PEAK1: variants seen among roughly 807,000 people sequenced by gnomAD.
PEAK1 encodes inactive tyrosine-protein kinase PEAK1.
In PEAK1, 54 loss-of-function variants were observed where a neutral mutation model predicts 124.7. The observed-to-expected ratio is 0.43, with a 90% CI of 0.35 to 0.54. The LOEUF is 0.54. Ranked by LOEUF, PEAK1 falls within the 20% of genes least tolerant of loss-of-function variation. The pLI is 0.01. For synonymous variants in PEAK1, 719 were observed against 760.0 expected, an observed-to-expected ratio of 0.95 and a Z score of 0.89; for missense variants, 2,046 against 2,134.5, an observed-to-expected ratio of 0.96 and a Z score of 0.82.
rs894314072 is a variant in PEAK1 at position 77,114,489 on chromosome 15, C to G, written c.4908G>C (p.Arg1636=). The change falls in exon 10 of 10, where the codon CGG becomes CGC. Residue 1636 remains arginine (R), a synonymous_variant. Coordinates refer to ENST00000682557, the MANE Select transcript of PEAK1 (RefSeq NM_001385026.1). ...PRIPFRSPYS[R]GLQQLASCLL... ...GGCAGCTGGCCAGCTGCTGCAGACC[C>G]CGGGAGTAGGGGGAGCGGAATGGGA... is the stretch of plus-strand genomic sequence containing the variant. The G allele has an allele frequency of 6.2e-7, 1 of 1,613,858 alleles. No individual in the cohort carries two copies. The highest frequency in any genetic ancestry group is 1.3e-5 in the African/African-American group (1 of 74,900).
At chr15:77,106,793 T>G (rs577933641), downstream of PEAK1, 36 of 152,302 alleles carry the variant, frequency 2.4e-4, no homozygotes, top group African/African-American at 8.7e-4. Context: ...TGCTAAATCA[T>G]GGAGGTATGG....
rs566626899 is a variant in PEAK1 at position 77,133,922 on chromosome 15, T to C, written c.3332-172A>G. On this transcript the variant is annotated intron_variant, in intron 8 of 9. Transcript: ENST00000682557. This position sits in a 1 kb window ranked among gnomAD's most constrained non-coding sequence, Gnocchi z 4.2. ...CAACCAAAGAACAAATACCTAAACA[T>C]TGAAGTATCCAAGCCTTGGTGGGAA... Among the ~76,000 whole-genome samples, 35 of 152,274 alleles carry C rather than the reference T, an allele frequency of 2.3e-4. No homozygotes were observed. Among genetic ancestry groups the C allele is most frequent in the African/African-American group, 8.2e-4 (34 of 41,556 alleles).
chr15:77,355,943 G>C (rs926429393), intron 2 of PEAK1: 10 of 985,052 alleles, frequency 1.0e-5, no homozygotes, highest in Non-Finnish European at 1.2e-5. Context: ...TGGTGGCTTA[G>C]GCCTGAGACA....
intron 5 of PEAK1, among the ~76,000 whole-genome samples, chr15:77,258,971 C>T (rs1169052963): frequency 1.3e-5 from 2 of 152,158 alleles, no homozygotes; most frequent in Non-Finnish European, 2.9e-5. Flanking sequence ...TTTTCTCCAT[C>T]TATTGAGATA....
At chr15:77,190,478 C>A (rs2057778491) in intron 6 of PEAK1, among the ~76,000 whole-genome samples, 1 of 152,102 alleles carries the variant, frequency 6.6e-6, no homozygotes, top group African/African-American at 2.4e-5. Context: ...TCCAAAAGAG[C>A]TGAATATTAA....
intron 2 of PEAK1, chr15:77,351,850 T>C: frequency 1.0e-6 from 1 of 985,382 alleles, no homozygotes. Context: ...AGACAATTAT[T>C]TCCGGGCATA....
intron 6 of PEAK1, among the ~76,000 whole-genome samples, chr15:77,214,586 T>C (rs2059060821): frequency 6.9e-6 from 1 of 145,788 alleles, no homozygotes; most frequent in Non-Finnish European, 1.5e-5. Flanking sequence ...ATCGCACCAC[T>C]ACACTCCAGC....
At chr15:77,291,096 A>G (rs2063188090) in intron 2 of PEAK1, among the ~76,000 whole-genome samples, 1 of 152,258 alleles carries the variant, frequency 6.6e-6, no homozygotes, top group Non-Finnish European at 1.5e-5. Flanking sequence ...ATGGGGTTGT[A>G]TGATGGCTTG....
chr15:77,369,423 T>C (rs2068490710), intron 1 of PEAK1, among the ~76,000 whole-genome samples: 1 of 152,180 alleles, frequency 6.6e-6, no homozygotes, highest in Admixed American at 6.5e-5. Context: ...ACCAAGTTGG[T>C]CTTGGTTTTC....
chr15:77,252,658 T>C, intron 5 of PEAK1, 132 bp from the exon 6 acceptor site: 6 of 534,000 alleles, frequency 1.1e-5, no homozygotes, highest in Non-Finnish European at 1.4e-5. Context: ...TTAAGGAATA[T>C]CTTTTCTACT....
At chr15:77,402,123 C>T (rs1400982301) in intron 1 of PEAK1, 3 of 915,776 alleles carry the variant, frequency 3.3e-6, no homozygotes, top group African/African-American at 1.9e-5. Flanking sequence ...TGTTTCAACC[C>T]GGGAGGCAGA....
intron 2 of PEAK1, among the ~76,000 whole-genome samples, chr15:77,311,262 T>C (rs952994417): frequency 6.6e-6 from 1 of 152,162 alleles, no homozygotes; most frequent in East Asian, 1.9e-4. Context: ...CAGGGATAGG[T>C]TGAGAATTCA....
At chr15:77,298,508 A>G (rs1023717284) in intron 2 of PEAK1, among the ~76,000 whole-genome samples, 3 of 151,660 alleles carry the variant, frequency 2.0e-5, no homozygotes, top group African/African-American at 7.3e-5. Flanking sequence ...GTGAGCCACC[A>G]CGCCCGGCCG....
chr15:77,389,464 T>C (rs1456490193), intron 1 of PEAK1, among the ~76,000 whole-genome samples: 1 of 152,206 alleles, frequency 6.6e-6, no homozygotes, highest in African/African-American at 2.4e-5. Context: ...TAATACCATC[T>C]CTCATGGAGG....
intron 5 of PEAK1, among the ~76,000 whole-genome samples, chr15:77,261,639 T>C (rs2061446695): frequency 6.6e-6 from 1 of 152,162 alleles, no homozygotes; most frequent in Non-Finnish European, 1.5e-5. Context: ...CTGATTGGTG[T>C]ACCTGAAAGT....
At chr15:77,197,516 T>C (rs2058166228) in intron 6 of PEAK1, among the ~76,000 whole-genome samples, 1 of 152,184 alleles carries the variant, frequency 6.6e-6, no homozygotes, top group Non-Finnish European at 1.5e-5. Flanking sequence ...TAATTTTTGA[T>C]AGATTTCTGT....
chr15:77,402,852 G>A, intron 1 of PEAK1: 1 of 985,338 alleles, frequency 1.0e-6, no homozygotes, highest in Non-Finnish European at 1.2e-6. Context: ...CTAACGAATG[G>A]GAAATATCTA....
chr15:77,261,307 G>C (rs904475541), intron 5 of PEAK1, among the ~76,000 whole-genome samples: 2 of 152,174 alleles, frequency 1.3e-5, no homozygotes, highest in Non-Finnish European at 2.9e-5. Flanking sequence ...GAAGGCTTCA[G>C]ACGATCAAAC....
chr15:77,191,914 A>T (rs1242704263), intron 6 of PEAK1, among the ~76,000 whole-genome samples: 1 of 152,178 alleles, frequency 6.6e-6, no homozygotes, highest in East Asian at 1.9e-4. Flanking sequence ...GTGACTAAAG[A>T]TGACCCTGTG....
Sources: allele counts gnomAD v4.1 joint callset (sites outside exome capture counted in the v4.1 genomes callset), GRCh38; gene constraint gnomAD v4.1.1; non-coding constraint Gnocchi (gnomAD v3.1); transcripts MANE v1.5; gene names NCBI Gene and HGNC (gene_info 2026-07-23, HGNC 2026-07-21).